Variants in HS3ST4 observed in about 807,000 individuals in gnomAD.
HS3ST4 encodes the protein heparan sulfate-glucosamine 3-sulfotransferase 4.
HS3ST4 carries 17 observed loss-of-function variants against 29.2 expected under a neutral mutation model. The ratio of observed to expected loss-of-function variants is 0.58; its 90% CI spans 0.40 to 0.87. The LOEUF (loss-of-function observed/expected upper bound fraction) is 0.87, where lower values mean the gene tolerates loss of function less well. HS3ST4 is among the 40% of genes least tolerant of loss of function. HS3ST4 has a pLI of 0.00. For missense variants in HS3ST4, 627 were observed against 634.5 expected (o/e 0.99, Z 0.13); for synonymous variants, 314 against 285.7 (o/e 1.10, Z -1.00).
intron 1 of HS3ST4, among the ~76,000 whole-genome samples, chr16:25,910,762 G>T (rs1968230580): frequency 6.6e-6 from 1 of 152,158 alleles, no homozygotes; most frequent in Non-Finnish European, 1.5e-5. Context: ...ACAGATGGCA[G>T]ATCAGGTTTG....
At chr16:25,794,209 T>C (rs1966876654) in intron 1 of HS3ST4, among the ~76,000 whole-genome samples, 1 of 152,166 alleles carries the variant, frequency 6.6e-6, no homozygotes. Flanking sequence ...TTCTAGGCTT[T>C]TGCATGATCA....
intron 1 of HS3ST4, among the ~76,000 whole-genome samples, chr16:25,915,200 C>T (rs974038696): frequency 1.3e-4 from 20 of 152,228 alleles, no homozygotes; most frequent in African/African-American, 4.3e-4. Context: ...ATTCACTTCA[C>T]GGAAGCCCAG....
At chr16:26,113,360 C>T (rs970906713) in intron 1 of HS3ST4, among the ~76,000 whole-genome samples, 1 of 151,234 alleles carries the variant, frequency 6.6e-6, no homozygotes, top group Non-Finnish European at 1.5e-5. Context: ...GCAAGAGAAT[C>T]GCTTGAAACC....
chr16:25,852,700 C>T (rs1331716362), intron 1 of HS3ST4, among the ~76,000 whole-genome samples: 1 of 151,864 alleles, frequency 6.6e-6, no homozygotes, highest in Non-Finnish European at 1.5e-5. Context: ...TTTGCAGAAT[C>T]TTTTGTCAAA....
intron 1 of HS3ST4, among the ~76,000 whole-genome samples, chr16:25,980,995 T>C (rs989366497): frequency 6.6e-6 from 1 of 152,142 alleles, no homozygotes; most frequent in Non-Finnish European, 1.5e-5. Context: ...TTCCTAGTTA[T>C]CTGGTATCTG....
chr16:25,848,482 A>C (rs906723368), intron 1 of HS3ST4, among the ~76,000 whole-genome samples: 3 of 150,126 alleles, frequency 2.0e-5, no homozygotes, highest in Non-Finnish European at 3.0e-5. Flanking sequence ...TGCTTTTTCT[A>C]AGCCCTTTTT....
intron 1 of HS3ST4, among the ~76,000 whole-genome samples, chr16:26,125,879 C>T (rs1240085087): frequency 3.3e-5 from 5 of 152,204 alleles, no homozygotes; most frequent in African/African-American, 7.2e-5. Context: ...GGAACCTGAA[C>T]GCTGAGTAGG....
intron 1 of HS3ST4, among the ~76,000 whole-genome samples, chr16:25,981,978 A>G (rs1969009850): frequency 1.3e-5 from 2 of 152,164 alleles, no homozygotes; most frequent in African/African-American, 4.8e-5. Flanking sequence ...TGGGGAATCT[A>G]GGAGATTGTG....
At chr16:25,975,394 G>C (rs1199535106) in intron 1 of HS3ST4, among the ~76,000 whole-genome samples, 1 of 152,048 alleles carries the variant, frequency 6.6e-6, no homozygotes, top group East Asian at 1.9e-4. Flanking sequence ...AGACCTCAGT[G>C]TCACACAATA....
At chr16:25,854,315 C>G (rs1038706179) in intron 1 of HS3ST4, among the ~76,000 whole-genome samples, 2 of 152,152 alleles carry the variant, frequency 1.3e-5, no homozygotes, top group African/African-American at 2.4e-5. Flanking sequence ...GAGTAACTTC[C>G]TGACATTGTC....
At position 26,048,462 on chromosome 16, in the gene HS3ST4, ATATG is replaced by A. The variant is rs200388328; in HGVS notation, c.735-87148_735-87145del. 9.8e-3 allele frequency among the ~76,000 whole-genome samples: 1,497 copies of A among 152,264 alleles called. 9 individuals are homozygous for A. The highest frequency in any genetic ancestry group is 0.013 in the Non-Finnish European group (873 of 68,020). On this transcript the variant is annotated intron_variant, in intron 1 of 1. Coordinates refer to ENST00000331351, the MANE Select transcript of HS3ST4 (RefSeq NM_006040.3). ...CCGTGCATGGAACATGCGTCACTGA[ATATG>A]TGTGTGGTTGTATGTGTGACACAGT...
At chr16:25,740,757 C>T (rs193127885) in intron 1 of HS3ST4, among the ~76,000 whole-genome samples, 25 of 152,266 alleles carry the variant, frequency 1.6e-4, no homozygotes, top group Admixed American at 1.6e-3. Flanking sequence ...TGAGGCTCAG[C>T]GAGATGGAGT....
chr16:25,810,287 T>C (rs1348308712), intron 1 of HS3ST4, among the ~76,000 whole-genome samples: 1 of 152,206 alleles, frequency 6.6e-6, no homozygotes, highest in Non-Finnish European at 1.5e-5. Context: ...TTTCTGCTAT[T>C]GATTTTTAGT....
chr16:25,972,051 C>G (rs1383628757), intron 1 of HS3ST4, among the ~76,000 whole-genome samples: 3 of 152,212 alleles, frequency 2.0e-5, no homozygotes, highest in African/African-American at 7.2e-5. Flanking sequence ...TGAGCTGGGC[C>G]TTGGTTCCTA....
chr16:26,030,023 G>A (rs1415722298), intron 1 of HS3ST4, among the ~76,000 whole-genome samples: 1 of 152,194 alleles, frequency 6.6e-6, no homozygotes, highest in Admixed American at 6.5e-5. Flanking sequence ...AGCAAGACCT[G>A]TCCAACTTGT....
At chr16:26,008,975 G>C (rs540048335) in intron 1 of HS3ST4, among the ~76,000 whole-genome samples, 1 of 152,292 alleles carries the variant, frequency 6.6e-6, no homozygotes, top group African/African-American at 2.4e-5. Context: ...CATCCTGCTG[G>C]AGGTCAGAGA....
At chr16:25,973,304 G>C (rs1968914387) in intron 1 of HS3ST4, among the ~76,000 whole-genome samples, 1 of 152,178 alleles carries the variant, frequency 6.6e-6, no homozygotes, top group Non-Finnish European at 1.5e-5. Flanking sequence ...AAGCCAGGAA[G>C]GATTTTTATG....
chr16:25,943,953 A>G (rs1968599699), intron 1 of HS3ST4, among the ~76,000 whole-genome samples: 1 of 152,118 alleles, frequency 6.6e-6, no homozygotes, highest in Non-Finnish European at 1.5e-5. Context: ...TCGCTTTCAG[A>G]TGATTTATAA....
Position 25,713,117 on chromosome 16 carries a change from G to A in HS3ST4, c.734+19966G>A, listed in dbSNP as rs147095090. On this transcript the variant is annotated intron_variant, in intron 1 of 1. Transcript: ENST00000331351. ...ACATGCAGGTTTGTTACATAGGTAT[G>A]TATACATGTGCCATGGTAGTTTGCT... Among the ~76,000 whole-genome samples, 989 of 152,098 alleles carry A rather than the reference G, an allele frequency of 6.5e-3. 17 individuals carry two copies. The highest frequency in any genetic ancestry group is 0.023 in the African/African-American group (949 of 41,460).
Sources: gnomAD v4.1 joint callset for allele counts (sites outside exome capture counted in the v4.1 genomes callset) on GRCh38, gnomAD v4.1.1 for gene constraint, MANE v1.5 for transcripts, NCBI Gene and HGNC (gene_info 2026-07-23, HGNC 2026-07-21) for gene names.